Variants in RERE observed in about 807,000 individuals in gnomAD.
The protein encoded by RERE is arginine-glutamic acid dipeptide repeats, also known as arginine-glutamic acid dipeptide repeats protein.
Under a neutral mutation model 146.1 loss-of-function variants are expected in RERE, and 40 were observed. The ratio of observed to expected loss-of-function variants is 0.27; its 90% CI spans 0.21 to 0.36. The LOEUF (loss-of-function observed/expected upper bound fraction) is 0.36. Ranked by LOEUF, RERE falls within the 10% of genes least tolerant of loss-of-function variation. RERE has a pLI of 1.00. For missense variants in RERE, 1,933 were observed against 2,138.7 expected (o/e 0.90, Z 1.90); for synonymous variants, 1,003 against 866.0 (o/e 1.16, Z -2.78).
intron 1 of RERE, among the ~76,000 whole-genome samples, chr1:8,770,154 T>C (rs1248012750): frequency 2.0e-5 from 3 of 152,144 alleles, no homozygotes; most frequent in Non-Finnish European, 2.9e-5. Context: ...TTGAAACAAC[T>C]ATCACCAAAA....
chr1:8,673,811 G>A (rs1314657223), intron 1 of RERE, among the ~76,000 whole-genome samples: 5 of 152,148 alleles, frequency 3.3e-5, no homozygotes, highest in African/African-American at 9.7e-5. Context: ...TGGGAGCCAA[G>A]GCAGGTAGAT....
In RERE at chr1:8,361,143, T is replaced by C. The variant is rs13596; in HGVS notation, c.2364A>G (p.Pro788=). Residue 788 remains proline, a synonymous_variant, in exon 18 of 23, where the codon CCA becomes CCG. Coordinates refer to ENST00000400908, the MANE Select transcript of RERE (RefSeq NM_001042681.2). The part of the protein sequence containing the change: ...SPTASQAPNQ[P]QAPTAPVPHT... ...GGGGAACAGGCGCTGTGGGAGCCTG[T>C]GGCTGGTTAGGGGCCTGGGAGGCCG... 976,081 of 1,442,944 alleles carry C rather than the reference T, an allele frequency of 0.68. 333,585 individuals carry two copies. Among genetic ancestry groups the C allele is most frequent in the East Asian group, 0.89 (35,577 of 39,932 alleles). 89.4% of individuals were successfully genotyped at this position (1,442,944 alleles called of 1,614,324 possible). A position where few individuals can be genotyped will look rare whatever the true frequency, so the allele number is the denominator to read the frequency against.
chr1:8,574,049 T>TC (rs1170759418), intron 4 of RERE, among the ~76,000 whole-genome samples: 2 of 152,050 alleles, frequency 1.3e-5, no homozygotes, highest in African/African-American at 2.4e-5. Flanking sequence ...CAAGCAATCC[T>TC]CCCTCCTCAG....
chr1:8,580,949 A>G (rs1646357182), intron 4 of RERE, among the ~76,000 whole-genome samples: 1 of 152,114 alleles, frequency 6.6e-6, no homozygotes, highest in African/African-American at 2.4e-5. Context: ...TCCTCCTCCC[A>G]TCTCAGGCTC....
intron 10 of RERE, among the ~76,000 whole-genome samples, chr1:8,466,265 G>T (rs1485177029): frequency 1.3e-5 from 2 of 152,124 alleles, no homozygotes; most frequent in Non-Finnish European, 2.9e-5. Flanking sequence ...GCAAAGATAG[G>T]AATAGGATTC....
intron 10 of RERE, among the ~76,000 whole-genome samples, chr1:8,493,344 C>A (rs752551251): frequency 6.6e-6 from 1 of 152,202 alleles, no homozygotes; most frequent in African/African-American, 2.4e-5. Flanking sequence ...AAAATCCCCA[C>A]TAACTATCCT....
intron 7 of RERE, among the ~76,000 whole-genome samples, chr1:8,509,151 A>G (rs2124300924): frequency 6.6e-6 from 1 of 152,186 alleles, no homozygotes; most frequent in East Asian, 1.9e-4. Flanking sequence ...CATCATGTTC[A>G]GCCAGGCTGG....
At position 8,614,724 on chromosome 1, in the gene RERE, G is replaced by A. The variant is rs760321299; in HGVS notation, c.397-38C>T. ...ACAGTTTTAAGTTAACGTGCCCAAC[G>A]CCCCATCATGCCCTGGTTATTAGGG... On this transcript the variant is annotated intron_variant, in intron 3 of 22. Coordinates refer to ENST00000400908, the MANE Select transcript of RERE (RefSeq NM_001042681.2). The A allele has an allele frequency of 4.9e-5, 77 of 1,569,570 alleles. No homozygotes were observed. The South Asian group carries it at 6.9e-4, about 14-fold the overall frequency.
rs369769989 is a variant in RERE, at chr1:8,603,657, TTAAG to T, written c.522+10900_522+10903del. Among the ~76,000 whole-genome samples, 9 of 152,002 alleles carry T rather than the reference TTAAG, an allele frequency of 5.9e-5. No homozygotes were observed. The East Asian group carries it at 1.5e-3, about 26-fold the overall frequency. On this transcript the variant is annotated intron_variant, in intron 4 of 22. Transcript: ENST00000400908. ...TTTGTGTATTGGGGAAGGGAGGAAA[TTAAG>T]TAATATAGAAGAACACAAAAACTAT...
At chr1:8,627,273 G>A (rs1005886981) in intron 2 of RERE, among the ~76,000 whole-genome samples, 1 of 152,076 alleles carries the variant, frequency 6.6e-6, no homozygotes, top group Non-Finnish European at 1.5e-5. Flanking sequence ...TGTAGGCTCA[G>A]AGAAATGTAC....
At chr1:8,661,088 G>A (rs1433888502) in intron 1 of RERE, among the ~76,000 whole-genome samples, 1 of 147,898 alleles carries the variant, frequency 6.8e-6, no homozygotes, top group African/African-American at 2.5e-5. Context: ...GGGGGACACA[G>A]TGTTGCAGGA....
intron 11 of RERE, among the ~76,000 whole-genome samples, chr1:8,460,803 C>T (rs1225290934): frequency 2.6e-5 from 4 of 152,200 alleles, no homozygotes; most frequent in Non-Finnish European, 4.4e-5. Flanking sequence ...AAAACCAAAA[C>T]GCAGCTAAGT....
intron 1 of RERE, among the ~76,000 whole-genome samples, chr1:8,690,006 C>T (rs578080209): frequency 6.6e-6 from 1 of 152,148 alleles, no homozygotes; most frequent in Admixed American, 6.5e-5. Context: ...ATCCTCATTT[C>T]GTTCTCAAAA....
intron 1 of RERE, among the ~76,000 whole-genome samples, chr1:8,811,907 G>A (rs537698690): frequency 7.2e-5 from 11 of 152,272 alleles, no homozygotes; most frequent in South Asian, 4.1e-4. Context: ...AGGGTAAGGC[G>A]CCACAAACTC....
At chr1:8,554,334 C>T (rs1645977854) in intron 6 of RERE, among the ~76,000 whole-genome samples, 1 of 152,138 alleles carries the variant, frequency 6.6e-6, no homozygotes, top group South Asian at 2.1e-4. Flanking sequence ...TCTTTTCCCT[C>T]AACCCGTGAG....
intron 4 of RERE, among the ~76,000 whole-genome samples, chr1:8,614,240 AC>A (rs1043885124): frequency 6.6e-6 from 1 of 151,648 alleles, no homozygotes; most frequent in Non-Finnish European, 1.5e-5. Flanking sequence ...GCTCAAACTT[AC>A]CCCCTTTTTT....
At chr1:8,451,035 T>C (rs1225189777) in intron 11 of RERE, among the ~76,000 whole-genome samples, 2 of 152,222 alleles carry the variant, frequency 1.3e-5, no homozygotes, top group African/African-American at 4.8e-5. Flanking sequence ...ATCCCTCTTC[T>C]TGACTGTGTC....
intron 1 of RERE, among the ~76,000 whole-genome samples, chr1:8,777,397 G>T (rs373446848): frequency 6.6e-6 from 1 of 151,984 alleles, no homozygotes. Context: ...CCAAGCCTAG[G>T]TTTAATTTTT....
At chr1:8,593,919 G>C (rs1230830960) in intron 4 of RERE, among the ~76,000 whole-genome samples, 1 of 152,118 alleles carries the variant, frequency 6.6e-6, no homozygotes, top group African/African-American at 2.4e-5. Flanking sequence ...GAGGAGACTA[G>C]ATACCTGAGG....
Sources: gnomAD v4.1 joint callset for allele counts (sites outside exome capture counted in the v4.1 genomes callset) on GRCh38, gnomAD v4.1.1 for gene constraint, MANE v1.5 for transcripts, NCBI Gene and HGNC (gene_info 2026-07-23, HGNC 2026-07-21) for gene names.